Variants in ZBTB5 observed in about 807,000 individuals in gnomAD.
The protein encoded by ZBTB5 is zinc finger and BTB domain-containing protein 5.
ZBTB5 carries 15 observed loss-of-function variants against 37.9 expected under a neutral mutation model. The observed-to-expected ratio is 0.40, with a 90% confidence interval of 0.26 to 0.61. The LOEUF (loss-of-function observed/expected upper bound fraction) is 0.61, where lower values mean the gene tolerates loss of function less well. ZBTB5 is among the 20% of genes least tolerant of loss of function. ZBTB5 has a pLI of 0.47. For synonymous variants in ZBTB5, 315 were observed against 312.4 expected (o/e 1.01, Z -0.09); for missense variants, 708 against 856.8 (o/e 0.83, Z 2.17).
At chr9:37,453,827 G>A (rs1321941290) in intron 1 of ZBTB5, among the ~76,000 whole-genome samples, 4 of 152,194 alleles carry the variant, frequency 2.6e-5, no homozygotes, top group Non-Finnish European at 4.4e-5. Flanking sequence ...TATCAAGAAA[G>A]AGACTATCTC....
intron 1 of ZBTB5, among the ~76,000 whole-genome samples, chr9:37,460,254 A>G (rs1477801429): frequency 1.3e-5 from 2 of 151,722 alleles, no homozygotes; most frequent in African/African-American, 4.8e-5. Context: ...CCTGACCAAC[A>G]TGGAGAAACC....
chr9:37,443,216 T>TG (rs1823917987), intron 1 of ZBTB5, among the ~76,000 whole-genome samples: 2 of 151,238 alleles, frequency 1.3e-5, no homozygotes, highest in South Asian at 4.2e-4. Flanking sequence ...CCAGGCATGG[T>TG]GGTGCATGCT....
In ZBTB5 at chr9:37,439,137, G is replaced by C. The variant is rs532705613; in HGVS notation, c.*1381C>G. ...AATTAAACTGACTTCATGAGTTCTA[G>C]GGAGACGCATTAACCTGTGCTGTTC... On this transcript the variant is annotated 3_prime_UTR_variant, in exon 2 of 2. Transcript: ENST00000307750. The C allele has an allele frequency of 1.3e-5, 2 of 152,240 alleles. No homozygotes were observed. Among genetic ancestry groups the C allele is most frequent in the Non-Finnish European group, 2.9e-5 (2 of 68,050 alleles). The allele number at this position is 152,240 out of a possible 1,614,324, so 9.4% of individuals were successfully genotyped here.
intron 1 of ZBTB5, among the ~76,000 whole-genome samples, chr9:37,461,127 A>G (rs79097388): frequency 0.032 from 4,860 of 152,254 alleles, 98 homozygotes; most frequent in Middle Eastern, 0.075. Flanking sequence ...ATCTATTCAA[A>G]ATAAGTACAA....
chr9:37,452,384 T>C (rs1433380531), intron 1 of ZBTB5, among the ~76,000 whole-genome samples: 2 of 152,354 alleles, frequency 1.3e-5, no homozygotes, highest in Admixed American at 6.5e-5. Flanking sequence ...ATTTTTGATA[T>C]ATGTTTTGGC....
At position 37,440,557 on chromosome 9, in the gene ZBTB5, CAGGCAGGTAG is replaced by C; in HGVS notation, c.1985_1994del (p.Thr662SerfsTer36). The C allele has an allele frequency of 6.2e-7, 1 of 1,614,236 alleles. No homozygotes were observed. The highest frequency in any genetic ancestry group is 8.5e-7 in the Non-Finnish European group (1 of 1,180,046). On this transcript the variant is annotated frameshift_variant, in exon 2 of 2. Transcript: ENST00000307750. LOFTEE classifies it high-confidence loss of function. ...TGGGAAGATTGCTGCTCTGCCAGCG[CAGGCAGGTAG>C]TCTTTGAGTGCTTATACAGGTGGCT...
Position 37,442,210 on chromosome 9 carries a change from T to G in ZBTB5, c.342A>C (p.Ala114=), listed in dbSNP as rs1368042935. 11 of 1,614,132 alleles carry G rather than the reference T, an allele frequency of 6.8e-6. No individual in the cohort carries two copies. In the Admixed American group the frequency reaches 1.8e-4, roughly 27 times the overall value. The part of the protein sequence containing the change: ...SHLHLNSVVK[A]CKHYLTTRTL... ...TCCTTGTCGTTAAGTAATGTTTACA[T>G]GCCTTAACAACAGAGTTCAAATGCA... Residue 114 remains alanine, a synonymous_variant, in exon 2 of 2, where the codon GCA becomes GCC. Transcript: ENST00000307750.
At chr9:37,450,736 G>A (rs946770054) in intron 1 of ZBTB5, among the ~76,000 whole-genome samples, 1 of 151,828 alleles carries the variant, frequency 6.6e-6, no homozygotes, top group South Asian at 2.1e-4. Flanking sequence ...TTGGTGGCAC[G>A]TACCTGTAAT....
At chr9:37,449,867 T>C (rs1406780643) in intron 1 of ZBTB5, among the ~76,000 whole-genome samples, 2 of 152,094 alleles carry the variant, frequency 1.3e-5, no homozygotes, top group East Asian at 1.9e-4. Context: ...GCTGCAGACA[T>C]AGATGCCAGC....
At chr9:37,463,159 T>C (rs1430134795) in intron 1 of ZBTB5, among the ~76,000 whole-genome samples, 1 of 152,202 alleles carries the variant, frequency 6.6e-6, no homozygotes, top group Non-Finnish European at 1.5e-5. Flanking sequence ...AAAGCTACTA[T>C]TCAGTGGTGA....
Position 37,455,946 on chromosome 9 carries a change from AT to A in ZBTB5, c.-5+9268del, listed in dbSNP as rs57792865. On this transcript the variant is annotated intron_variant, in intron 1 of 1. Coordinates refer to ENST00000307750, the MANE Select transcript of ZBTB5 (RefSeq NM_014872.3). ...ACAGGCTCCGGAAGTGCAGGCTAGG[AT>A]TTTTTTTTTTTTCTTTTTTTGAGGC... 1.3e-3 allele frequency among the ~76,000 whole-genome samples: 190 copies of A among 141,420 alleles called. 1 individual carries two copies. Among genetic ancestry groups the A allele is most frequent in the South Asian group, 3.2e-3 (14 of 4,404 alleles). 92.8% of individuals were successfully genotyped at this position (141,420 alleles called of 152,430 possible).
chr9:37,450,016 C>T (rs867444554), intron 1 of ZBTB5, among the ~76,000 whole-genome samples: 30 of 152,076 alleles, frequency 2.0e-4, no homozygotes, highest in African/African-American at 7.2e-4. Context: ...AATGGCCAGC[C>T]TTCCCCATGT....
chr9:37,449,762 G>T (rs1271977893), intron 1 of ZBTB5, among the ~76,000 whole-genome samples: 1 of 150,650 alleles, frequency 6.6e-6, no homozygotes, highest in Non-Finnish European at 1.5e-5. Flanking sequence ...TAAGCAGATA[G>T]TGAGGGTAAG....
rs560332728 is a variant in ZBTB5, at chr9:37,449,561, G to A, written c.-4-7006C>T. Among the ~76,000 whole-genome samples the A allele has an allele frequency of 6.6e-5, 10 of 152,172 alleles. No individual in the cohort carries two copies. In the East Asian group the frequency reaches 1.9e-3, roughly 29 times the overall value. On this transcript the variant is annotated intron_variant, in intron 1 of 1. Coordinates refer to ENST00000307750, the MANE Select transcript of ZBTB5 (RefSeq NM_014872.3). ...AAAAATGCAAAAATTAGTCAGGTGTGGTGGCACATGCCTGTAGTCTCAGCT... is the reference window on the plus strand; with the variant it reads ...AAAAATGCAAAAATTAGTCAGGTGTAGTGGCACATGCCTGTAGTCTCAGCT...
intron 1 of ZBTB5, among the ~76,000 whole-genome samples, chr9:37,460,189 G>C (rs1280015783): frequency 1.3e-5 from 2 of 150,776 alleles, no homozygotes; most frequent in Non-Finnish European, 3.0e-5. Flanking sequence ...TGTAATCCCA[G>C]CACTTTGGGA....
intron 1 of ZBTB5, among the ~76,000 whole-genome samples, chr9:37,452,204 C>T (rs573705505): frequency 2.8e-4 from 43 of 152,154 alleles, no homozygotes; most frequent in Non-Finnish European, 5.7e-4. Flanking sequence ...TGATATCTTT[C>T]GCTGTCATTA....
At chr9:37,465,167 A>T (rs1176069267) in intron 1 of ZBTB5, 48 bp downstream of exon 1, 7 of 152,172 alleles carry the variant, frequency 4.6e-5, no homozygotes, top group African/African-American at 1.7e-4. Flanking sequence ...AACCTTCCCC[A>T]CGTGAGCGCG....
intron 1 of ZBTB5, among the ~76,000 whole-genome samples, chr9:37,463,712 C>A (rs1824336305): frequency 6.6e-6 from 1 of 152,242 alleles, no homozygotes; most frequent in East Asian, 1.9e-4. Context: ...CAAATCTTAC[C>A]ATTTTCAGAA....
chr9:37,439,873 C>T lies in ZBTB5; in HGVS notation c.*645G>A, dbSNP rs573299760. ...CAGAAAAAACTGTTAAAACATCTAT[C>T]CAACAGTGATGTATTCAAAAGTATA... On this transcript the variant is annotated 3_prime_UTR_variant, in exon 2 of 2. Transcript: ENST00000307750. The T allele has an allele frequency of 6.5e-6, 1 of 153,046 alleles. No homozygotes were observed. The highest frequency in any genetic ancestry group is 1.5e-5 in the Non-Finnish European group (1 of 68,266). 9.5% of individuals were successfully genotyped at this position (153,046 alleles called of 1,614,324 possible).
Sources: gnomAD v4.1 joint callset for allele counts (sites outside exome capture counted in the v4.1 genomes callset) on GRCh38, gnomAD v4.1.1 for gene constraint, MANE v1.5 for transcripts, NCBI Gene and HGNC (gene_info 2026-07-23, HGNC 2026-07-21) for gene names.